The following TASP1 variants were observed in gnomAD, a reference collection of about 807,000 sequenced individuals.
TASP1 encodes threonine aspartase 1.
In TASP1, 16 loss-of-function variants were observed where a neutral mutation model predicts 56.6. That is an observed-to-expected ratio of 0.28 (90% CI 0.19 to 0.43). The LOEUF is 0.43. TASP1 is among the 20% of genes least tolerant of loss of function. The probability of loss-of-function intolerance (pLI) is 1.00; values close to 1 mark genes in which losing one functional copy is unlikely to be tolerated. For missense variants in TASP1, 393 were observed against 511.6 expected (o/e 0.77, Z 2.24); for synonymous variants, 179 against 184.2 (o/e 0.97, Z 0.23).
the TASP1 span, among the ~76,000 whole-genome samples, chr20:13,147,879 C>T: frequency 6.6e-6 from 1 of 152,166 alleles, no homozygotes; most frequent in Non-Finnish European, 1.5e-5. Flanking sequence ...TAAAATAAGT[C>T]ATCCCATGGT....
At chr20:13,561,523 G>A (rs1234636266) in intron 7 of TASP1, among the ~76,000 whole-genome samples, 1 of 151,932 alleles carries the variant, frequency 6.6e-6, no homozygotes, top group Admixed American at 6.6e-5. Context: ...GTGCCACCAC[G>A]CCTGGCTAAT....
At chr20:13,376,200 T>G in the TASP1 span, among the ~76,000 whole-genome samples, 9 of 152,380 alleles carry the variant, frequency 5.9e-5, no homozygotes, top group African/African-American at 2.2e-4. Context: ...AGGGTTTTTA[T>G]GGTTTTAGGT....
chr20:13,589,778 T>C (rs1428007728), intron 4 of TASP1, among the ~76,000 whole-genome samples: 1 of 151,964 alleles, frequency 6.6e-6, no homozygotes, highest in African/African-American at 2.4e-5. Context: ...GATGACACAA[T>C]TTAAAAATGG....
the TASP1 span, among the ~76,000 whole-genome samples, chr20:13,267,889 T>C: frequency 1.3e-5 from 2 of 152,198 alleles, no homozygotes; most frequent in Non-Finnish European, 2.9e-5. Context: ...ACTAAAGCAA[T>C]TGGGAAGCAA....
rs34805037 is a variant in TASP1, at chr20:13,421,108, CTTT to C, written c.1097-3590_1097-3588del. 5.6e-3 allele frequency among the ~76,000 whole-genome samples: 689 copies of C among 123,396 alleles called. 4 individuals are homozygous for C. The highest frequency in any genetic ancestry group is 0.016 in the African/African-American group (537 of 33,630). The allele number at this position is 123,396 out of a possible 152,430, so 81.0% of individuals were successfully genotyped here. ...AAAAAGTATTTATAGCGTTTTCCTT[CTTT>C]TTTTTTTTTTTTTTTTTTTAAGACA... On this transcript the variant is annotated intron_variant, in intron 12 of 13. Transcript: ENST00000337743.
At chr20:13,492,146 G>C (rs1297077825) in intron 10 of TASP1, among the ~76,000 whole-genome samples, 1 of 152,132 alleles carries the variant, frequency 6.6e-6, no homozygotes, top group African/African-American at 2.4e-5. Context: ...CTCACATTCA[G>C]TACCCCTGGC....
chr20:13,252,530 C>G, the TASP1 span, among the ~76,000 whole-genome samples: 1 of 152,126 alleles, frequency 6.6e-6, no homozygotes, highest in South Asian at 2.1e-4. Flanking sequence ...GCAGGCGGAT[C>G]ATTTGAGGTC....
chr20:13,141,439 T>G, the TASP1 span, among the ~76,000 whole-genome samples: 1 of 152,246 alleles, frequency 6.6e-6, no homozygotes, highest in African/African-American at 2.4e-5. Context: ...TTTCTCAGTG[T>G]CTACCTTGGA....
At chr20:13,589,939 C>T (rs1017237746) in intron 4 of TASP1, among the ~76,000 whole-genome samples, 1 of 152,042 alleles carries the variant, frequency 6.6e-6, no homozygotes, top group African/African-American at 2.4e-5. Context: ...ATTCTAAAAA[C>T]AGAAAAATGT....
the TASP1 span, among the ~76,000 whole-genome samples, chr20:13,323,111 G>C: frequency 1.3e-5 from 2 of 152,096 alleles, no homozygotes; most frequent in Non-Finnish European, 2.9e-5. Context: ...TAGGAACTAA[G>C]AGCAATCAGA....
chr20:13,139,911 C>T, the TASP1 span, among the ~76,000 whole-genome samples: 2 of 152,182 alleles, frequency 1.3e-5, no homozygotes, highest in African/African-American at 2.4e-5. Context: ...TAGGGACTCT[C>T]GGGTCTACTA....
intron 10 of TASP1, among the ~76,000 whole-genome samples, chr20:13,518,431 C>G (rs904183536): frequency 1.3e-5 from 2 of 152,110 alleles, no homozygotes; most frequent in African/African-American, 4.8e-5. Flanking sequence ...GATCATCTCC[C>G]TACTCAAGAG....
chr20:13,269,508 CCTT>C, the TASP1 span, among the ~76,000 whole-genome samples: 3 of 152,224 alleles, frequency 2.0e-5, no homozygotes, highest in African/African-American at 7.2e-5. Context: ...GTTCTTCCCT[CCTT>C]CTCTCTACAA....
intron 11 of TASP1, among the ~76,000 whole-genome samples, chr20:13,436,879 C>T (rs141071261): frequency 1.1e-4 from 17 of 152,074 alleles, no homozygotes; most frequent in African/African-American, 3.4e-4. Flanking sequence ...TTCGGCTTAG[C>T]GTTTAACTAT....
chr20:13,634,771 G>GT (rs1248740903), intron 1 of TASP1, among the ~76,000 whole-genome samples: 1 of 148,392 alleles, frequency 6.7e-6, no homozygotes, highest in African/African-American at 2.5e-5. Flanking sequence ...GCTCACACCT[G>GT]TAATCCCAGC....
the TASP1 span, among the ~76,000 whole-genome samples, chr20:13,284,502 T>C: frequency 6.6e-6 from 1 of 152,252 alleles, no homozygotes; most frequent in Non-Finnish European, 1.5e-5. Context: ...CATTTTCTGC[T>C]CTGGGCAGTG....
the TASP1 span, among the ~76,000 whole-genome samples, chr20:13,127,636 T>C: frequency 2.0e-5 from 3 of 152,184 alleles, no homozygotes; most frequent in Non-Finnish European, 2.9e-5. Context: ...ACAAGGCTGA[T>C]CTAGTTAAAG....
chr20:13,616,527 G>T (rs1319744552), intron 4 of TASP1, among the ~76,000 whole-genome samples: 19 of 152,002 alleles, frequency 1.2e-4, no homozygotes, highest in Admixed American at 1.2e-3. Context: ...CAAAGTAAAA[G>T]CATGATAAGC....
the TASP1 span, among the ~76,000 whole-genome samples, chr20:13,249,590 G>C: frequency 6.6e-6 from 1 of 152,166 alleles, no homozygotes; most frequent in Non-Finnish European, 1.5e-5. Context: ...ACCCCGCCAG[G>C]CTCTTTATTA....
Sources: allele counts gnomAD v4.1 joint callset (sites outside exome capture counted in the v4.1 genomes callset), GRCh38; gene constraint gnomAD v4.1.1; transcripts MANE v1.5; gene names NCBI Gene and HGNC (gene_info 2026-07-23, HGNC 2026-07-21).